CTNNA1: variants seen among roughly 807,000 people sequenced by gnomAD.
CTNNA1 encodes catenin alpha-1.
A neutral mutation model predicts 98.4 loss-of-function variants in CTNNA1; 37 were observed. The observed-to-expected ratio is 0.38, with a 90% CI of 0.29 to 0.49. The LOEUF (loss-of-function observed/expected upper bound fraction) is 0.49. Among genes scored for constraint, CTNNA1 ranks in the 20% least tolerant of loss-of-function variants. The pLI is 0.95. For synonymous variants in CTNNA1, 404 were observed against 413.2 expected, an observed-to-expected ratio of 0.98 and a Z score of 0.27; for missense variants, 761 against 1,147.2, an observed-to-expected ratio of 0.66 and a Z score of 4.86.
chr5:138,774,653 GCT>G (rs1753891430), intron 1 of CTNNA1, among the ~76,000 whole-genome samples: 1 of 150,986 alleles, frequency 6.6e-6, no homozygotes, highest in Non-Finnish European at 1.5e-5. Flanking sequence ...GCGGAGTCTC[GCT>G]CTGTCGCCCA....
chr5:138,907,142 C>G (rs1237680040), intron 10 of CTNNA1, among the ~76,000 whole-genome samples: 1 of 152,146 alleles, frequency 6.6e-6, no homozygotes, highest in Non-Finnish European at 1.5e-5. Context: ...CTGCTGCAGC[C>G]TCCCAAATAG....
At chr5:138,767,726 CG>C (rs1753094757) in intron 1 of CTNNA1, among the ~76,000 whole-genome samples, 1 of 152,138 alleles carries the variant, frequency 6.6e-6, no homozygotes, top group South Asian at 2.1e-4. Flanking sequence ...CTCAATTACT[CG>C]ATAGAAACTA....
intron 2 of CTNNA1, among the ~76,000 whole-genome samples, chr5:138,782,698 C>T (rs545595260): frequency 4.6e-5 from 7 of 152,142 alleles, no homozygotes; most frequent in South Asian, 2.1e-4. Context: ...GGCAATCATT[C>T]GTTTATTGGG....
chr5:138,766,587 G>A (rs1471444029), intron 1 of CTNNA1, among the ~76,000 whole-genome samples: 1 of 152,004 alleles, frequency 6.6e-6, no homozygotes, highest in African/African-American at 2.4e-5. Flanking sequence ...AAGGGGGTTA[G>A]TAGGGTGAGT....
At chr5:138,762,931 A>G (rs1197973877) in intron 1 of CTNNA1, among the ~76,000 whole-genome samples, 1 of 152,062 alleles carries the variant, frequency 6.6e-6, no homozygotes, top group Non-Finnish European at 1.5e-5. Flanking sequence ...ATCTTTCTTA[A>G]TTGCTAATTT....
chr5:138,877,500 T>C (rs1231437095), intron 7 of CTNNA1, among the ~76,000 whole-genome samples: 3 of 150,598 alleles, frequency 2.0e-5, no homozygotes, highest in African/African-American at 4.9e-5. Flanking sequence ...GACTGCGGAC[T>C]GCAGTGGCGC....
At chr5:138,918,343 C>G (rs1483008895) in intron 11 of CTNNA1, among the ~76,000 whole-genome samples, 12 of 152,138 alleles carry the variant, frequency 7.9e-5, no homozygotes, top group African/African-American at 2.2e-4. Flanking sequence ...AGAAGGGATT[C>G]TCAACACCAT....
rs189789552 is a variant in CTNNA1, at chr5:138,807,526, G to C, written c.302-2512G>C. On this transcript the variant is annotated intron_variant, in intron 3 of 17. Transcript: ENST00000302763. ...CCTTGTGTTTTCTTTCTTACAGCTT[G>C]TATGTTAAAATGCCACATAATTTCT... 2.6e-3 allele frequency among the ~76,000 whole-genome samples: 397 copies of C among 152,002 alleles called. 1 individual carries two copies. The highest frequency in any genetic ancestry group is 0.018 in the South Asian group (85 of 4,814).
At chr5:138,862,185 A>T (rs1196910106) in intron 7 of CTNNA1, among the ~76,000 whole-genome samples, 1 of 152,042 alleles carries the variant, frequency 6.6e-6, no homozygotes, top group African/African-American at 2.4e-5. Context: ...CACGAAACAT[A>T]CCCTCCTGCG....
At chr5:138,892,337 T>TTTG (rs1400030568) in intron 9 of CTNNA1, among the ~76,000 whole-genome samples, 4 of 73,884 alleles carry the variant, frequency 5.4e-5, no homozygotes, top group African/African-American at 1.7e-4. Flanking sequence ...AGTTTTTTTT[T>TTTG]TTTTTTTTTT....
intron 7 of CTNNA1, among the ~76,000 whole-genome samples, chr5:138,855,660 A>G (rs1278894631): frequency 6.6e-6 from 1 of 152,208 alleles, no homozygotes; most frequent in Non-Finnish European, 1.5e-5. Flanking sequence ...GGGTGAGACA[A>G]GGTCTTTACT....
chr5:138,805,636 A>C (rs1180660555), intron 3 of CTNNA1, among the ~76,000 whole-genome samples: 5 of 151,870 alleles, frequency 3.3e-5, no homozygotes, highest in South Asian at 2.1e-4. Context: ...GTTTTTAAAG[A>C]AGCCAGGTCT....
At chr5:138,820,737 GTGTTGTTTTGA>G (rs1323531039) in intron 5 of CTNNA1, among the ~76,000 whole-genome samples, 1 of 88,676 alleles carries the variant, frequency 1.1e-5, no homozygotes, top group Non-Finnish European at 2.7e-5. Flanking sequence ...GTTGTTTTGG[GTGTTGTTTTGA>G]GGGGGGTGAA....
intron 7 of CTNNA1, among the ~76,000 whole-genome samples, chr5:138,830,456 A>T (rs1244502347): frequency 6.6e-6 from 1 of 152,242 alleles, no homozygotes; most frequent in Non-Finnish European, 1.5e-5. Context: ...AAAGGTAAAA[A>T]TCTTTAGTTT....
intron 7 of CTNNA1, chr5:138,870,614 C>G (rs1009451748): frequency 1.3e-5 from 2 of 152,248 alleles, no homozygotes; most frequent in African/African-American, 4.8e-5. Context: ...ATTTCTTACC[C>G]ATCCCACAGT....
At chr5:138,911,768 T>C (rs533629450) in intron 10 of CTNNA1, among the ~76,000 whole-genome samples, 168 of 152,338 alleles carry the variant, frequency 1.1e-3, no homozygotes, top group Non-Finnish European at 1.6e-3. Flanking sequence ...ACAGAAGCAA[T>C]AGTAGACTAA....
chr5:138,924,443 C>T, intron 11 of CTNNA1, 67 bp from the exon 12 acceptor site: 3 of 1,510,826 alleles, frequency 2.0e-6, no homozygotes, highest in Non-Finnish European at 2.7e-6. Flanking sequence ...TGATAGATGC[C>T]AGCTTACAGT....
intron 7 of CTNNA1, chr5:138,872,880 A>G (rs1284123893): frequency 1.5e-5 from 9 of 590,236 alleles, no homozygotes; most frequent in Non-Finnish European, 2.6e-5. Context: ...CAACACTTCA[A>G]AAACTAAGTC....
At chr5:138,868,162 T>C (rs952896508) in intron 7 of CTNNA1, among the ~76,000 whole-genome samples, 17 of 152,258 alleles carry the variant, frequency 1.1e-4, no homozygotes, top group Non-Finnish European at 8.8e-5. Context: ...GTATTAAATA[T>C]GTGTTATCTA....
Sources: allele counts gnomAD v4.1 joint callset (sites outside exome capture counted in the v4.1 genomes callset), GRCh38; gene constraint gnomAD v4.1.1; transcripts MANE v1.5; gene names NCBI Gene and HGNC (gene_info 2026-07-23, HGNC 2026-07-21).